Variants in SLC9A9 observed in about 807,000 individuals in gnomAD.
SLC9A9 encodes solute carrier family 9 member A9.
Under a neutral mutation model 77.8 loss-of-function variants are expected in SLC9A9, and 62 were observed. That is an observed-to-expected ratio of 0.80 (90% CI 0.65 to 0.98). The LOEUF is 0.98. Ranked by LOEUF, SLC9A9 falls within the 50% of genes least tolerant of loss-of-function variation. SLC9A9 has a pLI of 0.00. For synonymous variants in SLC9A9, 320 were observed against 283.5 expected (o/e 1.13, Z -1.29); for missense variants, 775 against 774.9 (o/e 1.00, Z 0.00).
intron 4 of SLC9A9, among the ~76,000 whole-genome samples, chr3:143,725,150 G>A (rs1934606463): frequency 6.6e-6 from 1 of 152,182 alleles, no homozygotes; most frequent in Non-Finnish European, 1.5e-5. Flanking sequence ...GAAGACAGGA[G>A]AGGCATCTTT....
intron 12 of SLC9A9, among the ~76,000 whole-genome samples, chr3:143,441,617 T>C (rs2034736140): frequency 6.6e-6 from 1 of 152,104 alleles, no homozygotes; most frequent in Non-Finnish European, 1.5e-5. Flanking sequence ...CTGCACTTTT[T>C]TTTTTTTCCA....
At chr3:143,687,910 A>G (rs1933324637) in intron 5 of SLC9A9, among the ~76,000 whole-genome samples, 1 of 152,130 alleles carries the variant, frequency 6.6e-6, no homozygotes, top group Non-Finnish European at 1.5e-5. Context: ...GTATTTTAAA[A>G]ACTTCAGTCC....
chr3:143,687,561 G>GA (rs1312194164), intron 5 of SLC9A9, among the ~76,000 whole-genome samples: 1 of 152,068 alleles, frequency 6.6e-6, no homozygotes, highest in Admixed American at 6.6e-5. Context: ...TTTGAGGTTG[G>GA]AACCTCAGAA....
At chr3:143,519,772 A>G (rs1352634028) in intron 9 of SLC9A9, among the ~76,000 whole-genome samples, 1 of 152,114 alleles carries the variant, frequency 6.6e-6, no homozygotes, top group Non-Finnish European at 1.5e-5. Context: ...GAAAGTAGAG[A>G]GAGGTGAGAG....
intron 2 of SLC9A9, among the ~76,000 whole-genome samples, chr3:143,818,008 A>G (rs1288122470): frequency 6.6e-6 from 1 of 152,228 alleles, no homozygotes; most frequent in East Asian, 1.9e-4. Context: ...AAAGCTTTAG[A>G]GACCATCTGA....
At chr3:143,655,483 C>T in intron 5 of SLC9A9, 1 of 985,388 alleles carries the variant, frequency 1.0e-6, no homozygotes, top group Non-Finnish European at 1.2e-6. Flanking sequence ...GTCATTTTGT[C>T]TTTAACTTAC....
In SLC9A9 at chr3:143,817,141, T is replaced by A. The variant is rs74960505; in HGVS notation, c.378+14878A>T. On this transcript the variant is annotated intron_variant, in intron 2 of 15. Coordinates refer to ENST00000316549, the MANE Select transcript of SLC9A9 (RefSeq NM_173653.4). ...TTTTCATGCAAAAGTTTATTTTTTT[T>A]TTTATTTTTTTTTTTTTTGAGACGG... is the stretch of plus-strand genomic sequence containing the variant. Among the ~76,000 whole-genome samples, 562 of 103,996 alleles carry A rather than the reference T, an allele frequency of 5.4e-3. 4 individuals are homozygous for A. Among genetic ancestry groups the A allele is most frequent in the African/African-American group, 0.015 (519 of 34,032 alleles). The allele number at this position is 103,996 out of a possible 152,430, so 68.2% of individuals were successfully genotyped here. A position where few individuals can be genotyped will look rare whatever the true frequency, so the allele number is the denominator to read the frequency against.
At chr3:143,528,845 T>C (rs759078304) in intron 9 of SLC9A9, among the ~76,000 whole-genome samples, 1 of 152,030 alleles carries the variant, frequency 6.6e-6, no homozygotes, top group African/African-American at 2.4e-5. Flanking sequence ...GTACTTACTG[T>C]GTGCCAGGCA....
At chr3:143,626,152 T>A (rs1285974157) in intron 6 of SLC9A9, among the ~76,000 whole-genome samples, 4 of 152,130 alleles carry the variant, frequency 2.6e-5, no homozygotes, top group Non-Finnish European at 5.9e-5. Flanking sequence ...ATAGGAACAC[T>A]TTTATGCTGT....
chr3:143,845,984 C>T (rs1193962612), intron 1 of SLC9A9, among the ~76,000 whole-genome samples: 2 of 152,148 alleles, frequency 1.3e-5, no homozygotes, highest in African/African-American at 4.8e-5. Context: ...TTAAGAACAG[C>T]AATTTAGAGA....
intron 11 of SLC9A9, among the ~76,000 whole-genome samples, chr3:143,467,448 T>C (rs565983535): frequency 6.6e-6 from 1 of 152,298 alleles, no homozygotes; most frequent in African/African-American, 2.4e-5. Context: ...CCAGTCAAGA[T>C]AAAGAACATT....
chr3:143,475,109 C>G (rs1442716013), intron 11 of SLC9A9, among the ~76,000 whole-genome samples: 1 of 151,786 alleles, frequency 6.6e-6, no homozygotes, highest in East Asian at 1.9e-4. Flanking sequence ...CAGGCAAACA[C>G]TACCACACCT....
chr3:143,752,454 C>A (rs780384083), intron 4 of SLC9A9, among the ~76,000 whole-genome samples: 1 of 152,112 alleles, frequency 6.6e-6, no homozygotes, highest in Non-Finnish European at 1.5e-5. Flanking sequence ...GACCAGTGAA[C>A]AAAGAAAAAG....
chr3:143,279,043 C>T (rs1938135022), intron 14 of SLC9A9, among the ~76,000 whole-genome samples: 1 of 132,280 alleles, frequency 7.6e-6, no homozygotes, highest in Admixed American at 6.8e-5. Context: ...TAAACGTTAG[C>T]TAACATTTTT....
At chr3:143,559,140 C>G (rs1026982282) in intron 8 of SLC9A9, among the ~76,000 whole-genome samples, 4 of 152,188 alleles carry the variant, frequency 2.6e-5, no homozygotes, top group Non-Finnish European at 5.9e-5. Context: ...GCCTCCCCAG[C>G]CATGTGGAAC....
At chr3:143,559,666 A>G (rs2037048250) in intron 8 of SLC9A9, among the ~76,000 whole-genome samples, 1 of 152,202 alleles carries the variant, frequency 6.6e-6, no homozygotes, top group Non-Finnish European at 1.5e-5. Flanking sequence ...ATAAGCTTAT[A>G]GGCTTTCAAA....
At chr3:143,831,890 C>A in intron 2 of SLC9A9, 129 bp downstream of exon 2, 2 of 824,136 alleles carry the variant, frequency 2.4e-6, no homozygotes, top group Non-Finnish European at 3.8e-6. Context: ...ATTAACGTCT[C>A]CAAAAGAGTG....
intron 9 of SLC9A9, among the ~76,000 whole-genome samples, chr3:143,539,691 G>A (rs886334924): frequency 5.9e-5 from 9 of 152,122 alleles, no homozygotes; most frequent in African/African-American, 1.7e-4. Context: ...TAAGGTAATA[G>A]TGGGCGACCA....
chr3:143,490,349 A>G (rs1291342698), intron 11 of SLC9A9, among the ~76,000 whole-genome samples: 1 of 152,214 alleles, frequency 6.6e-6, no homozygotes, highest in Non-Finnish European at 1.5e-5. Context: ...TTTTAACAGG[A>G]AGGAAATTTT....
Sources: gnomAD v4.1 joint callset for allele counts (sites outside exome capture counted in the v4.1 genomes callset) on GRCh38, gnomAD v4.1.1 for gene constraint, MANE v1.5 for transcripts, NCBI Gene and HGNC (gene_info 2026-07-23, HGNC 2026-07-21) for gene names.